GOLGA3: variants seen among roughly 807,000 people sequenced by gnomAD.
GOLGA3 encodes golgin A3.
Under a neutral mutation model 169.4 loss-of-function variants are expected in GOLGA3, and 75 were observed. The ratio of observed to expected loss-of-function variants is 0.44; its 90% CI spans 0.37 to 0.54. GOLGA3 has a LOEUF of 0.54. Ranked by LOEUF, GOLGA3 falls within the 20% of genes least tolerant of loss-of-function variation. The probability of loss-of-function intolerance (pLI) is 0.00; values close to 1 mark genes in which losing one functional copy is unlikely to be tolerated. For synonymous variants in GOLGA3, 824 were observed against 822.4 expected (o/e 1.00, Z -0.03); for missense variants, 1,899 against 1,930.0 (o/e 0.98, Z 0.30).
intron 9 of GOLGA3, among the ~76,000 whole-genome samples, 160 bp downstream of exon 9, chr12:132,798,180 G>C (rs78077933): frequency 2.2e-5 from 1 of 44,628 alleles, no homozygotes; most frequent in Non-Finnish European, 5.2e-5. Flanking sequence ...GATGAGGGGT[G>C]GGGGGGGGGT....
intron 4 of GOLGA3, 30 bp downstream of exon 4, chr12:132,813,277 C>T (rs1195595509): frequency 6.9e-7 from 1 of 1,455,904 alleles, no homozygotes; most frequent in East Asian, 2.3e-5. Flanking sequence ...GGAAGCTTTC[C>T]ATGAGCTTGT....
chr12:132,794,061 G>A (rs866620731), intron 11 of GOLGA3, among the ~76,000 whole-genome samples: 7 of 152,148 alleles, frequency 4.6e-5, no homozygotes, highest in East Asian at 3.9e-4. Flanking sequence ...TGTTCCACAC[G>A]CATCATTCAT....
In GOLGA3 at chr12:132,804,928, C is replaced by T. The variant is rs911468825; in HGVS notation, c.1385G>A (p.Arg462Gln). The T allele has an allele frequency of 1.1e-5, 17 of 1,613,694 alleles. No individual in the cohort carries two copies. Among genetic ancestry groups the T allele is most frequent in the African/African-American group, 6.7e-5 (5 of 74,942 alleles). Residue 462 changes from arginine to glutamine, a missense_variant, in exon 7 of 24, where the codon CGG becomes CAG. Coordinates refer to ENST00000450791, the MANE Select transcript of GOLGA3 (RefSeq NM_001389683.1). The surrounding 1 kb of genome is among the most constrained non-coding windows in gnomAD (Gnocchi z 4.1). The part of the protein sequence containing the change: ...QVECSHSSQQ[R>Q]QDSLSSEVDT... ...CACCTCCGAGCTCAGCGAATCCTGC[C>T]GCTGCTGGCTGCTGTGGCTGCACTC...
chr12:132,792,861 C>G (rs1948628693), intron 11 of GOLGA3, among the ~76,000 whole-genome samples: 2 of 123,418 alleles, frequency 1.6e-5, no homozygotes, highest in Non-Finnish European at 1.7e-5. Context: ...GGGACCTGCA[C>G]TCGGAGGGCT....
chr12:132,780,920 T>C lies in GOLGA3; in HGVS notation c.3466-6A>G, dbSNP rs2045564587. On this transcript the variant is annotated splice_region_variant and splice_polypyrimidine_tract_variant and intron_variant, in intron 17 of 23. Coordinates refer to ENST00000450791, the MANE Select transcript of GOLGA3 (RefSeq NM_001389683.1). ...CGCTGCAAAACTGCCTGCACCTAGA[T>C]CAGATTGCAGGAGGACAGATAAGGA... The C allele has an allele frequency of 1.2e-6, 2 of 1,603,598 alleles. No individual in the cohort carries two copies. Among genetic ancestry groups the C allele is most frequent in the Admixed American group, 3.3e-5 (2 of 59,988 alleles).
chr12:132,803,854 C>T (rs1404892975), intron 7 of GOLGA3, among the ~76,000 whole-genome samples: 1 of 152,158 alleles, frequency 6.6e-6, no homozygotes, highest in Non-Finnish European at 1.5e-5. Context: ...GATGAGCCCA[C>T]CAAGCGGCCT....
At chr12:132,786,234 G>A (rs936365099) in intron 15 of GOLGA3, 105 bp downstream of exon 15, 36 of 747,556 alleles carry the variant, frequency 4.8e-5, no homozygotes, top group African/African-American at 1.8e-4. Context: ...CACCTCCCAC[G>A]CGAGCTCGGC....
chr12:132,774,231 C>T lies in GOLGA3; in HGVS notation c.4233G>A (p.Glu1411=), dbSNP rs1344628890. 1 of 1,612,080 alleles carries T rather than the reference C, an allele frequency of 6.2e-7. No individual in the cohort carries two copies. Among genetic ancestry groups the T allele is most frequent in the African/African-American group, 1.3e-5 (1 of 74,938 alleles). Residue 1411 remains glutamate (E), a synonymous_variant, in exon 23 of 24, where the codon GAG becomes GAA. Coordinates refer to ENST00000450791, the MANE Select transcript of GOLGA3 (RefSeq NM_001389683.1). Reference sequence around the variant, plus strand: ...CGGCGGGCGGTGGTCTCAGCAGCTCCTCCAGCAGCGAGGCGGGAACTGGGC... The same window carrying T: ...CGGCGGGCGGTGGTCTCAGCAGCTCTTCCAGCAGCGAGGCGGGAACTGGGC... The part of the protein sequence containing the change: ...PDCPVPASLL[E]ELLRPPPAVS...
Position 132,769,481 on chromosome 12 carries a change from G to C in GOLGA3, c.*3624C>G, listed in dbSNP as rs2044799170. The C allele has an allele frequency of 6.6e-6, 1 of 152,302 alleles. No homozygotes were observed. The highest frequency in any genetic ancestry group is 2.4e-5 in the African/African-American group (1 of 41,476). The allele number at this position is 152,302 out of a possible 1,614,324, so 9.4% of individuals were successfully genotyped here. A position where few individuals can be genotyped will look rare whatever the true frequency, so the allele number is the denominator to read the frequency against. On this transcript the variant is annotated 3_prime_UTR_variant, in exon 24 of 24. Coordinates refer to ENST00000450791, the MANE Select transcript of GOLGA3 (RefSeq NM_001389683.1). ...GGCCCCTGCTGGACCCACCCGAGGA[G>C]AGTCCATTTCACATCCTATCAGAAA...
At chr12:132,789,323 G>A in intron 12 of GOLGA3, 33 bp from the exon 13 acceptor site, 1 of 1,533,536 alleles carries the variant, frequency 6.5e-7, no homozygotes, top group Non-Finnish European at 8.7e-7. Flanking sequence ...GCGGACGCTG[G>A]GCGGCGGGGC....
chr12:132,783,798 G>A lies in GOLGA3; in HGVS notation c.3267+366C>T, dbSNP rs1005067992. 40 of 742,040 alleles carry A rather than the reference G, an allele frequency of 5.4e-5. No individual in the cohort carries two copies. In the African/African-American group the frequency reaches 5.4e-4, roughly 10 times the overall value. 46.0% of individuals were successfully genotyped at this position (742,040 alleles called of 1,614,324 possible). On this transcript the variant is annotated intron_variant, in intron 16 of 23. Transcript: ENST00000450791. ...TCACCATGTCGGCCAGGCTGGTCTCGAGCTCCTAACCTCATGATCCGCCCA... is the reference window on the plus strand; with the variant it reads ...TCACCATGTCGGCCAGGCTGGTCTCAAGCTCCTAACCTCATGATCCGCCCA...
intron 12 of GOLGA3, among the ~76,000 whole-genome samples, 150 bp downstream of exon 12, chr12:132,791,050 CAAAAAAAAAAAAAAAA>C (rs771719474): frequency 3.8e-4 from 20 of 52,650 alleles, no homozygotes; most frequent in South Asian, 1.2e-3. Flanking sequence ...GACTCCGTCT[CAAAAAAAAAAAAAAAA>C]AAAAAAAAAA....
At position 132,798,576 on chromosome 12, in the gene GOLGA3, G is replaced by GC. The variant is rs1948984997; in HGVS notation, c.1801-100dup. 7 of 901,132 alleles carry GC rather than the reference G, an allele frequency of 7.8e-6. No homozygotes were observed. In the South Asian group the frequency reaches 1.1e-4, roughly 14 times the overall value. 55.8% of individuals were successfully genotyped at this position (901,132 alleles called of 1,614,324 possible). A position where few individuals can be genotyped will look rare whatever the true frequency, so the allele number is the denominator to read the frequency against. On this transcript the variant is annotated intron_variant, in intron 8 of 23. Coordinates refer to ENST00000450791, the MANE Select transcript of GOLGA3 (RefSeq NM_001389683.1). ...GGCCCCAGGGTGAGGGTCACTGGCT[G>GC]CCCCCTCAGTGTCTCCCACGCAAGC...
chr12:132,774,457 T>C, intron 22 of GOLGA3, 137 bp from the exon 23 acceptor site: 2 of 908,662 alleles, frequency 2.2e-6, no homozygotes, highest in Non-Finnish European at 3.4e-6. Context: ...CTGGCCGCCG[T>C]GGCAGCCCAG....
rs750501011 is a variant in GOLGA3, at chr12:132,798,383, A to G, written c.1895T>C (p.Met632Thr). The change falls in exon 9 of 24, where the codon ATG becomes ACG. Residue 632 changes from methionine to threonine, a missense_variant. By Grantham distance (81) the Met-to-Thr change is moderately conservative (BLOSUM62 -1). Coordinates refer to ENST00000450791, the MANE Select transcript of GOLGA3 (RefSeq NM_001389683.1). The part of the protein sequence containing the change: ...QQLTETQHRS[M>T]KEKGRIAAQL... ...TGCCGCGATGCGCCCCTTCTCCTTC[A>G]TGGACCTGTGCTGAGTTTCCGTCAG... 12 of 1,613,292 alleles carry G rather than the reference A, an allele frequency of 7.4e-6. No homozygotes were observed. Among genetic ancestry groups the G allele is most frequent in the Non-Finnish European group, 1.0e-5 (12 of 1,179,810 alleles).
At chr12:132,806,380 C>T (rs1168039776) in intron 6 of GOLGA3, among the ~76,000 whole-genome samples, 5 of 152,232 alleles carry the variant, frequency 3.3e-5, no homozygotes, top group Non-Finnish European at 7.3e-5. Context: ...GACCGTACAA[C>T]CAGAATTAGC....
chr12:132,808,868 A>G (rs912245818), intron 4 of GOLGA3, among the ~76,000 whole-genome samples: 57 of 152,218 alleles, frequency 3.7e-4, no homozygotes, highest in Non-Finnish European at 6.6e-4. Context: ...CCAGCCCCAC[A>G]GGGTCAGTGG....
In GOLGA3 at chr12:132,773,003, CTT is replaced by C. The variant is rs2044980232; in HGVS notation, c.*100_*101del. ...ACTTCTTGTTAAAGGCAAAACAAAA[CTT>C]AAATTTCATGTCTTAGAAAAACATC... On this transcript the variant is annotated 3_prime_UTR_variant, in exon 24 of 24. Transcript: ENST00000450791. 4.4e-6 allele frequency: 4 copies of C among 908,204 alleles called. No individual in the cohort carries two copies. Among genetic ancestry groups the C allele is most frequent in the Non-Finnish European group, 6.4e-6 (4 of 620,560 alleles). 56.3% of individuals were successfully genotyped at this position (908,204 alleles called of 1,614,324 possible). A position where few individuals can be genotyped will look rare whatever the true frequency, so the allele number is the denominator to read the frequency against.
At chr12:132,814,501 C>T (rs1949869233) in intron 3 of GOLGA3, among the ~76,000 whole-genome samples, 1 of 152,198 alleles carries the variant, frequency 6.6e-6, no homozygotes, top group Non-Finnish European at 1.5e-5. Flanking sequence ...AGTACCCAGC[C>T]ACAGGAGCTC....
Sources: gnomAD v4.1 joint callset for allele counts (sites outside exome capture counted in the v4.1 genomes callset) on GRCh38, gnomAD v4.1.1 for gene constraint, Gnocchi (gnomAD v3.1) non-coding constraint, MANE v1.5 for transcripts, NCBI Gene and HGNC (gene_info 2026-07-23, HGNC 2026-07-21) for gene names.